Variants in NBEA observed in about 807,000 individuals in gnomAD.
NBEA encodes lysosomal-trafficking regulator 2.
Under a neutral mutation model 343.4 loss-of-function variants are expected in NBEA, and 44 were observed. That is an observed-to-expected ratio of 0.13 (90% CI 0.10 to 0.16). The LOEUF is 0.16. Ranked by LOEUF, NBEA falls within the 10% of genes least tolerant of loss-of-function variation. NBEA has a pLI of 1.00. For missense variants in NBEA, 2,555 were observed against 3,631.3 expected (o/e 0.70, Z 7.62); for synonymous variants, 1,175 against 1,238.7 (o/e 0.95, Z 1.08).
chr13:35,238,537 A>G (rs558010534), intron 34 of NBEA, among the ~76,000 whole-genome samples: 10 of 152,306 alleles, frequency 6.6e-5, no homozygotes, highest in South Asian at 2.1e-4. Context: ...ATCCTGCATC[A>G]TCTAACTATA....
chr13:35,561,367 G>A (rs182469478), intron 44 of NBEA, among the ~76,000 whole-genome samples: 5 of 152,212 alleles, frequency 3.3e-5, no homozygotes, highest in Admixed American at 3.3e-4. Context: ...TTGGAATCTG[G>A]TTGACAAGAT....
intron 34 of NBEA, among the ~76,000 whole-genome samples, chr13:35,288,738 A>G (rs1363175091): frequency 6.6e-6 from 1 of 152,006 alleles, no homozygotes; most frequent in African/African-American, 2.4e-5. Context: ...CACAAAATGT[A>G]TGCGAATAAT....
At chr13:35,068,859 C>T (rs2063755711) in intron 8 of NBEA, among the ~76,000 whole-genome samples, 1 of 152,124 alleles carries the variant, frequency 6.6e-6, no homozygotes, top group African/African-American at 2.4e-5. Flanking sequence ...TTGACTTGAG[C>T]TGAGGAGTGG....
At chr13:34,943,143 T>G (rs2152476495) in intron 1 of NBEA, 29 bp downstream of exon 1, 1 of 1,610,132 alleles carries the variant, frequency 6.2e-7, no homozygotes, top group Non-Finnish European at 8.5e-7. Flanking sequence ...CTCAATCTGC[T>G]TCCCCAGTCC....
chr13:35,508,119 T>G (rs907917963), intron 41 of NBEA, among the ~76,000 whole-genome samples: 5 of 152,106 alleles, frequency 3.3e-5, no homozygotes, highest in African/African-American at 1.2e-4. Flanking sequence ...TTGCTTAAGA[T>G]CACAGGGCTA....
Position 35,110,886 on chromosome 13 carries a change from T to C in NBEA, c.1910T>C (p.Val637Ala). The C allele has an allele frequency of 6.2e-7, 1 of 1,612,142 alleles. No homozygotes were observed. The highest frequency in any genetic ancestry group is 8.5e-7 in the Non-Finnish European group (1 of 1,178,482). The stretch of plus-strand genomic sequence containing the variant: ...ACCATCTACACCACCATACGCAGAG[T>C]AGGAACAGTATTACAGCTAATGCAC... Reference protein sequence around the residue: ...TATIYTTIRRVGTVLQLMHTL... With the variant: ...TATIYTTIRRAGTVLQLMHTL... Residue 637 changes from valine to alanine, a missense_variant, in exon 13 of 59, where the codon GTA (valine) becomes GCA (alanine). Transcript: ENST00000379939.
At chr13:35,130,004 G>T (rs753022203) in intron 17 of NBEA, among the ~76,000 whole-genome samples, 80 of 152,128 alleles carry the variant, frequency 5.3e-4, no homozygotes, top group Non-Finnish European at 1.0e-3. Context: ...CATCTCTGAT[G>T]AATAGAGTGA....
rs1267207006 is a variant in NBEA, at chr13:34,987,940, ATCC to A, written c.294+44831_294+44833del. The stretch of plus-strand genomic sequence containing the variant: ...TAGCTTCCTTGCAATGGGTTTGAAC[ATCC>A]TCCTTTAGCTCGGAGATGTTTGTTA... On this transcript the variant is annotated intron_variant, in intron 1 of 58. Coordinates refer to ENST00000379939, the MANE Select transcript of NBEA (RefSeq NM_001385012.1). Among the ~76,000 whole-genome samples the A allele has an allele frequency of 2.7e-5, 4 of 150,892 alleles. No homozygotes were observed. In the East Asian group the frequency reaches 7.7e-4, roughly 29 times the overall value.
chr13:34,976,904 C>T (rs2152503425), intron 1 of NBEA, among the ~76,000 whole-genome samples: 1 of 149,602 alleles, frequency 6.7e-6, no homozygotes, highest in South Asian at 2.1e-4. Flanking sequence ...TAGTTAAATG[C>T]TATTTTGCTT....
At chr13:35,575,879 C>T (rs565103694) in intron 45 of NBEA, among the ~76,000 whole-genome samples, 2 of 152,168 alleles carry the variant, frequency 1.3e-5, no homozygotes, top group South Asian at 4.1e-4. Context: ...CACCCTAACA[C>T]CCCCACCTTT....
chr13:35,173,279 A>G (rs921079511), intron 26 of NBEA, among the ~76,000 whole-genome samples, 185 bp from the exon 27 acceptor site: 8 of 152,014 alleles, frequency 5.3e-5, no homozygotes, highest in East Asian at 1.9e-4. Context: ...AACTATATGT[A>G]TATTTTGTAG....
chr13:35,223,692 C>T (rs2074499425), intron 33 of NBEA, among the ~76,000 whole-genome samples: 1 of 152,086 alleles, frequency 6.6e-6, no homozygotes, highest in Admixed American at 6.6e-5. Context: ...GGAAAATTCT[C>T]ACTCAATATC....
At chr13:35,220,156 C>T (rs896109387) in intron 33 of NBEA, among the ~76,000 whole-genome samples, 3 of 152,154 alleles carry the variant, frequency 2.0e-5, no homozygotes, top group Non-Finnish European at 2.9e-5. Flanking sequence ...TCTAGTTTAA[C>T]TTAATTTACC....
chr13:34,981,106 A>G (rs1254648068), intron 1 of NBEA, among the ~76,000 whole-genome samples: 2 of 152,196 alleles, frequency 1.3e-5, no homozygotes, highest in African/African-American at 4.8e-5. Context: ...GCCTAAGGCA[A>G]CTACCGATTT....
In NBEA at chr13:35,118,430, C is replaced by G; in HGVS notation, c.2199C>G (p.His733Gln). Reference protein sequence around the residue: ...LQLLVALMSEHPASMIPAFDQ... With the variant: ...LQLLVALMSEQPASMIPAFDQ... ...TACTGGTGGCTTTAATGTCGGAACA[C>G]CCAGCCTCAATGATACCAGCATTTG... is the stretch of plus-strand genomic sequence containing the variant. Residue 733 changes from histidine (H) to glutamine (Q), a missense_variant, in exon 16 of 59, where the codon CAC (histidine) becomes CAG (glutamine). By Grantham distance (24) the His-to-Gln change is conservative (BLOSUM62 0). Transcript: ENST00000379939. 1 of 1,606,648 alleles carries G rather than the reference C, an allele frequency of 6.2e-7. No individual in the cohort carries two copies. The highest frequency in any genetic ancestry group is 2.2e-5 in the East Asian group (1 of 44,636).
chr13:35,452,041 AAGC>A, intron 39 of NBEA, 48 bp from the exon 40 acceptor site: 1 of 1,337,046 alleles, frequency 7.5e-7, no homozygotes, highest in Non-Finnish European at 1.1e-6. Context: ...TACCTACTAT[AAGC>A]AGAAACAATC....
intron 28 of NBEA, 88 bp downstream of exon 28, chr13:35,177,191 A>G (rs2152726862): frequency 1.0e-6 from 1 of 974,756 alleles, no homozygotes; most frequent in South Asian, 1.5e-5. Context: ...GCTTATGAAA[A>G]CGACATTCCC....
At chr13:35,076,835 C>G (rs939967776) in intron 10 of NBEA, among the ~76,000 whole-genome samples, 4 of 151,998 alleles carry the variant, frequency 2.6e-5, no homozygotes, top group Non-Finnish European at 5.9e-5. Context: ...TTACTCATGC[C>G]ATAGATTTCA....
At chr13:35,527,866 G>A (rs1189154769) in intron 41 of NBEA, among the ~76,000 whole-genome samples, 4 of 152,250 alleles carry the variant, frequency 2.6e-5, no homozygotes, top group Non-Finnish European at 5.9e-5. Context: ...CACCTTCCGC[G>A]CATCAGCCGG....
Sources: allele counts gnomAD v4.1 joint callset (sites outside exome capture counted in the v4.1 genomes callset), GRCh38; gene constraint gnomAD v4.1.1; transcripts MANE v1.5; gene names NCBI Gene and HGNC (gene_info 2026-07-23, HGNC 2026-07-21).